SNAP23: variants seen among roughly 807,000 people sequenced by gnomAD.
The protein encoded by SNAP23 is synaptosomal-associated protein 23.
Under a neutral mutation model 29.0 loss-of-function variants are expected in SNAP23, and 11 were observed. That is an observed-to-expected ratio of 0.38 (90% CI 0.24 to 0.63). SNAP23 has a LOEUF of 0.63. Ranked by LOEUF, SNAP23 falls within the 20% of genes least tolerant of loss-of-function variation. SNAP23 has a pLI of 0.58. For synonymous variants in SNAP23, 60 were observed against 82.9 expected, an observed-to-expected ratio of 0.72 and a Z score of 1.50; for missense variants, 220 against 253.9, an observed-to-expected ratio of 0.87 and a Z score of 0.91.
At position 42,530,722 on chromosome 15, in the gene SNAP23, C is replaced by T. The variant is rs527332421; in HGVS notation, c.571-691C>T. ...CTGTGATTGCACCATTGCATTCCAG[C>T]CTGGGCAACAGAGTGAGACCCTTTC... On this transcript the variant is annotated intron_variant, in intron 7 of 7. Coordinates refer to ENST00000249647, the MANE Select transcript of SNAP23 (RefSeq NM_003825.4). Among the ~76,000 whole-genome samples the T allele has an allele frequency of 2.0e-5, 3 of 152,156 alleles. No homozygotes were observed. In the South Asian group the frequency reaches 6.2e-4, roughly 32 times the overall value.
chr15:42,528,352 A>G lies in SNAP23; in HGVS notation c.357A>G (p.Pro119=). The G allele has an allele frequency of 6.2e-7, 1 of 1,614,192 alleles. No individual in the cohort carries two copies. Among genetic ancestry groups the G allele is most frequent in the Non-Finnish European group, 8.5e-7 (1 of 1,180,022 alleles). The change falls in exon 6 of 8, where the codon CCA becomes CCG. Residue 119 remains proline (P), a synonymous_variant. Coordinates refer to ENST00000249647, the MANE Select transcript of SNAP23 (RefSeq NM_003825.4). ...CTTGCAATGTAGTATCTAAACAGCCAGGCCCGGTGACAAATGGTCAGCTTC... is the reference window on the plus strand; with the variant it reads ...CTTGCAATGTAGTATCTAAACAGCCGGGCCCGGTGACAAATGGTCAGCTTC... ...NSPCNVVSKQ[P]GPVTNGQLQQ...
intron 5 of SNAP23, among the ~76,000 whole-genome samples, chr15:42,526,807 T>C (rs901058864): frequency 2.2e-4 from 34 of 152,066 alleles, no homozygotes; most frequent in Admixed American, 1.3e-3. Flanking sequence ...ATAGCCACTT[T>C]TTCTTTCTTT....
In SNAP23 at chr15:42,531,603, G is replaced by C; in HGVS notation, c.*125G>C. ...AATTGGGAGATAATATGGAAGAAGG[G>C]CCAGAGCAGTTACAGCCCTCCTTCT... On this transcript the variant is annotated 3_prime_UTR_variant, in exon 8 of 8. Coordinates refer to ENST00000249647, the MANE Select transcript of SNAP23 (RefSeq NM_003825.4). 3.0e-6 allele frequency: 2 copies of C among 657,664 alleles called. No individual in the cohort carries two copies. The highest frequency in any genetic ancestry group is 4.6e-5 in the South Asian group (2 of 43,328). 40.7% of individuals were successfully genotyped at this position (657,664 alleles called of 1,614,324 possible).
At chr15:42,498,232 G>T (rs1476286740) in intron 1 of SNAP23, among the ~76,000 whole-genome samples, 2 of 152,204 alleles carry the variant, frequency 1.3e-5, no homozygotes, top group Non-Finnish European at 2.9e-5. Context: ...GGTGGGCGGT[G>T]TCCAATCCCA....
chr15:42,505,876 A>G (rs1283400051), intron 1 of SNAP23, among the ~76,000 whole-genome samples: 4 of 138,528 alleles, frequency 2.9e-5, no homozygotes, highest in Non-Finnish European at 4.7e-5. Flanking sequence ...TTGTTTTCTT[A>G]TCTCCTCCCT....
upstream of SNAP23, chr15:42,491,251 C>G (rs1205169970): frequency 6.6e-6 from 1 of 152,376 alleles, no homozygotes; most frequent in African/African-American, 2.4e-5. Flanking sequence ...AGGTTTTTCT[C>G]AAAAAGAATG....
intron 4 of SNAP23, among the ~76,000 whole-genome samples, chr15:42,513,828 T>G: frequency 1.3e-5 from 2 of 149,574 alleles, no homozygotes; most frequent in Admixed American, 1.3e-4. Context: ...GTTTTGGGGG[T>G]GGGGGATGAA....
At chr15:42,498,556 C>A (rs2057242714) in intron 1 of SNAP23, among the ~76,000 whole-genome samples, 1 of 152,168 alleles carries the variant, frequency 6.6e-6, no homozygotes, top group Non-Finnish European at 1.5e-5. Flanking sequence ...CTTCCTAGGC[C>A]TCAGGTCTTG....
At chr15:42,530,934 G>A (rs2057559168) in intron 7 of SNAP23, among the ~76,000 whole-genome samples, 1 of 152,182 alleles carries the variant, frequency 6.6e-6, no homozygotes, top group Non-Finnish European at 1.5e-5. Flanking sequence ...TAATTCAGAT[G>A]TTGGTGAGGA....
chr15:42,500,080 G>C (rs891482804), intron 1 of SNAP23, among the ~76,000 whole-genome samples: 1 of 152,178 alleles, frequency 6.6e-6, no homozygotes, highest in Non-Finnish European at 1.5e-5. Flanking sequence ...GGAGGTCAAG[G>C]CTCCTGTAGA....
intron 5 of SNAP23, among the ~76,000 whole-genome samples, chr15:42,526,838 ATTTT>A (rs1379818329): frequency 7.3e-6 from 1 of 137,604 alleles, no homozygotes; most frequent in Non-Finnish European, 1.5e-5. Context: ...TAGACTTATG[ATTTT>A]TTTTTTTTTT....
intron 1 of SNAP23, among the ~76,000 whole-genome samples, chr15:42,497,726 T>C (rs1280625718): frequency 6.6e-6 from 1 of 152,200 alleles, no homozygotes; most frequent in East Asian, 1.9e-4. Flanking sequence ...TCTTAACTCA[T>C]TCCAGTATTA....
chr15:42,507,493 C>A (rs1401891410), intron 1 of SNAP23, among the ~76,000 whole-genome samples: 1 of 152,084 alleles, frequency 6.6e-6, no homozygotes, highest in Non-Finnish European at 1.5e-5. Context: ...TATAAGTTCC[C>A]AGCAGCACTG....
intron 1 of SNAP23, among the ~76,000 whole-genome samples, chr15:42,496,483 G>A (rs2057220748): frequency 6.6e-6 from 1 of 152,144 alleles, no homozygotes; most frequent in Non-Finnish European, 1.5e-5. Context: ...TTGGGAGGTC[G>A]AGGAGAGAGG....
chr15:42,506,876 T>C (rs952690847), intron 1 of SNAP23, among the ~76,000 whole-genome samples: 5 of 151,824 alleles, frequency 3.3e-5, no homozygotes, highest in Non-Finnish European at 5.9e-5. Context: ...TAGAGCACAG[T>C]GATGCCATCT....
At chr15:42,494,139 A>G (rs1436286732), upstream of SNAP23, among the ~76,000 whole-genome samples, 2 of 152,086 alleles carry the variant, frequency 1.3e-5, no homozygotes, top group South Asian at 4.1e-4. Context: ...CAAAAACAAA[A>G]AATCTTGATC....
intron 4 of SNAP23, among the ~76,000 whole-genome samples, chr15:42,514,486 A>C (rs1283973157): frequency 6.6e-6 from 1 of 152,058 alleles, no homozygotes; most frequent in Non-Finnish European, 1.5e-5. Flanking sequence ...TCAGAAATCA[A>C]GTTCTAAAAC....
intron 1 of SNAP23, among the ~76,000 whole-genome samples, chr15:42,511,432 T>C (rs556860201): frequency 1.3e-5 from 2 of 152,350 alleles, no homozygotes; most frequent in Admixed American, 6.5e-5. Context: ...CTTTACTAAA[T>C]TGGACTTTTC....
chr15:42,496,020 C>G (rs917034750), intron 1 of SNAP23: 1 of 152,236 alleles, frequency 6.6e-6, no homozygotes, highest in African/African-American at 2.4e-5. Context: ...CATTAATAGA[C>G]TGCCTGTATG....
Sources: allele counts gnomAD v4.1 joint callset (sites outside exome capture counted in the v4.1 genomes callset), GRCh38; gene constraint gnomAD v4.1.1; transcripts MANE v1.5; gene names NCBI Gene and HGNC (gene_info 2026-07-23, HGNC 2026-07-21).